FAM163A: variants seen among roughly 807,000 people sequenced by gnomAD.
FAM163A encodes the protein family with sequence similarity 163 member A.
FAM163A carries 7 observed loss-of-function variants against 12.0 expected under a neutral mutation model. That is an observed-to-expected ratio of 0.58 (90% CI 0.33 to 1.10). The LOEUF (loss-of-function observed/expected upper bound fraction) is 1.10, where lower values mean the gene tolerates loss of function less well. FAM163A is among the 50% of genes least tolerant of loss of function. FAM163A has a pLI of 0.03. For missense variants in FAM163A, 202 were observed against 218.6 expected (o/e 0.92, Z 0.48); for synonymous variants, 101 against 91.0 (o/e 1.11, Z -0.62).
intron 1 of FAM163A, among the ~76,000 whole-genome samples, chr1:179,781,552 T>G (rs149714151): frequency 3.3e-5 from 5 of 152,024 alleles, no homozygotes; most frequent in Non-Finnish European, 7.3e-5. Flanking sequence ...CTGGGGCAAG[T>G]GTACCTTTAC....
At chr1:179,775,249 T>G (rs2148138824) in intron 1 of FAM163A, among the ~76,000 whole-genome samples, 1 of 152,278 alleles carries the variant, frequency 6.6e-6, no homozygotes, top group Middle Eastern at 3.4e-3. Flanking sequence ...ACAGAGGTCA[T>G]ACTCCTGTGC....
At chr1:179,750,221 G>A (rs539068039) in intron 1 of FAM163A, among the ~76,000 whole-genome samples, 1 of 152,306 alleles carries the variant, frequency 6.6e-6, no homozygotes, top group South Asian at 2.1e-4. Context: ...TGTCACTGGA[G>A]ATACAATGTT....
In FAM163A at chr1:179,752,649, A is replaced by G. The variant is rs371131839; in HGVS notation, c.-136+9226A>G. ...AAATGGGCTAAAGACTTTGATAGAT[A>G]TTTCTTCAAAGAAGATATACAAATG... On this transcript the variant is annotated intron_variant, in intron 1 of 4. Transcript: ENST00000341785. Among the ~76,000 whole-genome samples, 5 of 152,336 alleles carry G rather than the reference A, an allele frequency of 3.3e-5. No individual in the cohort carries two copies. The East Asian group carries it at 9.6e-4, about 29-fold the overall frequency.
At chr1:179,736,369 C>T in the FAM163A span, among the ~76,000 whole-genome samples, 3 of 150,792 alleles carry the variant, frequency 2.0e-5, no homozygotes, top group Admixed American at 1.3e-4. Flanking sequence ...GGACAAAGAA[C>T]CTGAATAAAC....
intron 1 of FAM163A, among the ~76,000 whole-genome samples, chr1:179,785,097 G>GT (rs1282491580): frequency 6.6e-6 from 1 of 152,156 alleles, no homozygotes; most frequent in Non-Finnish European, 1.5e-5. Flanking sequence ...AATTAAAGGC[G>GT]CAGTAATTCA....
chr1:179,790,055 G>C (rs1410501066), intron 1 of FAM163A, among the ~76,000 whole-genome samples: 1 of 152,104 alleles, frequency 6.6e-6, no homozygotes, highest in Non-Finnish European at 1.5e-5. Flanking sequence ...AGATGGAAAG[G>C]AGAAGAGATT....
intron 1 of FAM163A, among the ~76,000 whole-genome samples, chr1:179,789,924 G>A (rs1691199725): frequency 6.6e-6 from 1 of 152,226 alleles, no homozygotes; most frequent in African/African-American, 2.4e-5. Context: ...ATTTAGGAGG[G>A]CTGAACAGGT....
intron 1 of FAM163A, chr1:179,804,041 A>T (rs375148236): frequency 4.1e-5 from 6 of 148,082 alleles, no homozygotes; most frequent in African/African-American, 1.5e-4. Flanking sequence ...TTGTCTTGTC[A>T]TGGGCACCAG....
At chr1:179,751,370 G>A (rs71630239) in intron 1 of FAM163A, among the ~76,000 whole-genome samples, 6,719 of 152,164 alleles carry the variant, frequency 0.044, 221 homozygotes, top group East Asian at 0.088. Context: ...GAAAGCCAAG[G>A]GCAGAGCATT....
upstream of FAM163A, among the ~76,000 whole-genome samples, chr1:179,740,443 T>C (rs1683498895): frequency 6.6e-6 from 1 of 152,138 alleles, no homozygotes; most frequent in Non-Finnish European, 1.5e-5. Context: ...GCCAACTTAA[T>C]TTGTAATACC....
chr1:179,790,663 A>C (rs6683781), intron 1 of FAM163A, among the ~76,000 whole-genome samples: 9,143 of 152,228 alleles, frequency 0.06, 403 homozygotes, highest in Middle Eastern at 0.15. Context: ...TTTTAGGATT[A>C]GGTCAGATCA....
chr1:179,791,176 A>C (rs972321990), intron 1 of FAM163A, among the ~76,000 whole-genome samples: 2 of 152,170 alleles, frequency 1.3e-5, no homozygotes, highest in Non-Finnish European at 2.9e-5. Context: ...GAGAAAGGAA[A>C]GGCCCAAGGA....
At chr1:179,807,144 A>G (rs976957231) in intron 1 of FAM163A, among the ~76,000 whole-genome samples, 3 of 152,028 alleles carry the variant, frequency 2.0e-5, no homozygotes, top group Non-Finnish European at 4.4e-5. Flanking sequence ...TTAAATGAAT[A>G]AACAAATGAA....
chr1:179,754,425 A>C (rs1184396378), intron 1 of FAM163A, among the ~76,000 whole-genome samples: 2 of 152,162 alleles, frequency 1.3e-5, no homozygotes, highest in African/African-American at 4.8e-5. Context: ...GAATGGTTCC[A>C]GCCCTCATGA....
At chr1:179,738,154 A>G in the FAM163A span, among the ~76,000 whole-genome samples, 343 of 152,320 alleles carry the variant, frequency 2.3e-3, 5 homozygotes, top group East Asian at 1.4e-3. Context: ...ATACAAAAGT[A>G]CAGCTAAGTA....
intron 1 of FAM163A, among the ~76,000 whole-genome samples, chr1:179,748,384 C>T (rs1413931811): frequency 6.6e-6 from 1 of 152,142 alleles, no homozygotes. Flanking sequence ...GAGGTAAAGT[C>T]AGGGAGCCCT....
At chr1:179,766,962 G>T (rs1687592218) in intron 1 of FAM163A, among the ~76,000 whole-genome samples, 2 of 152,142 alleles carry the variant, frequency 1.3e-5, no homozygotes, top group South Asian at 4.2e-4. Flanking sequence ...CACCATGTTG[G>T]CCAGGCTGGT....
At chr1:179,792,086 G>A (rs1691589949) in intron 1 of FAM163A, among the ~76,000 whole-genome samples, 1 of 152,110 alleles carries the variant, frequency 6.6e-6, no homozygotes, top group African/African-American at 2.4e-5. Context: ...GTGACCTTGA[G>A]CAAGTTTCTC....
At chr1:179,772,386 T>C (rs2148122536) in intron 1 of FAM163A, among the ~76,000 whole-genome samples, 1 of 152,308 alleles carries the variant, frequency 6.6e-6, no homozygotes, top group South Asian at 2.1e-4. Flanking sequence ...TCTTTTTCAG[T>C]CTTTATGTCT....
Sources: allele counts gnomAD v4.1 joint callset (sites outside exome capture counted in the v4.1 genomes callset), GRCh38; gene constraint gnomAD v4.1.1; transcripts MANE v1.5; gene names NCBI Gene and HGNC (gene_info 2026-07-23, HGNC 2026-07-21).